The following TMTC4 variants were observed in gnomAD, a reference collection of about 807,000 sequenced individuals.
TMTC4 encodes the protein transmembrane O-mannosyltransferase targeting cadherins 4, also known as protein O-mannosyl-transferase TMTC4.
TMTC4 carries 65 observed loss-of-function variants against 86.0 expected under a neutral mutation model. The ratio of observed to expected loss-of-function variants is 0.76; its 90% confidence interval spans 0.62 to 0.93. The LOEUF is 0.93. Among genes scored for constraint, TMTC4 ranks in the 40% least tolerant of loss-of-function variants. TMTC4 has a pLI of 0.00. For missense variants in TMTC4, 866 were observed against 948.1 expected (o/e 0.91, Z 1.14); for synonymous variants, 379 against 382.5 (o/e 0.99, Z 0.11).
At chr13:100,629,187 AT>A (rs1880977450) in intron 12 of TMTC4, among the ~76,000 whole-genome samples, 1 of 152,162 alleles carries the variant, frequency 6.6e-6, no homozygotes. Flanking sequence ...AAAGAAAAGT[AT>A]TTGTTGATGA....
intron 16 of TMTC4, among the ~76,000 whole-genome samples, chr13:100,612,791 G>A (rs1451598474): frequency 6.6e-6 from 1 of 151,892 alleles, no homozygotes; most frequent in Non-Finnish European, 1.5e-5. Context: ...CTAAAACCTA[G>A]TTTTAATTTT....
At chr13:100,618,523 G>A (rs1878918031) in intron 15 of TMTC4, among the ~76,000 whole-genome samples, 1 of 148,148 alleles carries the variant, frequency 6.8e-6, no homozygotes, top group Non-Finnish European at 1.5e-5. Flanking sequence ...ATCATTCTTG[G>A]GTGTTTCTCG....
chr13:100,660,869 G>A (rs1027913368), intron 5 of TMTC4, among the ~76,000 whole-genome samples: 1 of 152,100 alleles, frequency 6.6e-6, no homozygotes, highest in Admixed American at 6.5e-5. Context: ...GGCCAGGCTG[G>A]TTTGGAACTC....
chr13:100,665,895 G>C (rs756435353), intron 3 of TMTC4: 2 of 399,558 alleles, frequency 5.0e-6, no homozygotes, highest in Non-Finnish European at 1.0e-5. Flanking sequence ...CCCAAGAGCA[G>C]GTTAGAGATT....
intron 15 of TMTC4, among the ~76,000 whole-genome samples, chr13:100,621,795 A>G (rs1879529507): frequency 6.6e-6 from 1 of 152,242 alleles, no homozygotes; most frequent in Non-Finnish European, 1.5e-5. Flanking sequence ...GATACAGTGA[A>G]CAGAAACGGT....
At chr13:100,608,915 C>T (rs905239829) in intron 17 of TMTC4, among the ~76,000 whole-genome samples, 15 of 152,132 alleles carry the variant, frequency 9.9e-5, no homozygotes, top group Non-Finnish European at 2.9e-5. Context: ...AATTATGTCT[C>T]TAGGTAGGAA....
Position 100,612,419 on chromosome 13 carries a change from C to T in TMTC4, c.2043G>A (p.Leu681=), listed in dbSNP as rs770438517. 2 of 1,609,728 alleles carry T rather than the reference C, an allele frequency of 1.2e-6. No individual in the cohort carries two copies. The highest frequency in any genetic ancestry group is 1.1e-5 in the South Asian group (1 of 89,756). The change falls in exon 17 of 19, where the codon CTG becomes CTA. Residue 681 remains leucine (L), a synonymous_variant. Coordinates refer to ENST00000342624, the MANE Select transcript of TMTC4 (RefSeq NM_032813.5). ...GCACCTTGTATTTCTGGGATTTCCCCAGCACGTTTGCCAACGAGAACATGA... is the reference window on the plus strand; with the variant it reads ...GCACCTTGTATTTCTGGGATTTCCCTAGCACGTTTGCCAACGAGAACATGA... ...HSLMFSLANV[L]GKSQKYKESE... is the part of the protein sequence containing the mutation.
chr13:100,609,048 G>A lies in TMTC4; in HGVS notation c.2065-2621C>T, dbSNP rs1427662227. On this transcript the variant is annotated intron_variant, in intron 17 of 18. Transcript: ENST00000342624. Reference sequence around the variant, plus strand: ...ACTGTGCCTCCGCTAGAATAGGAAGGGTAACATGGGAGATCTGATGAGAAG... The same window carrying A: ...ACTGTGCCTCCGCTAGAATAGGAAGAGTAACATGGGAGATCTGATGAGAAG... 5.9e-5 allele frequency among the ~76,000 whole-genome samples: 9 copies of A among 152,198 alleles called. No homozygotes were observed. In the East Asian group the frequency reaches 1.7e-3, roughly 29 times the overall value.
At chr13:100,639,091 C>CAGTCTGCACATA (rs1566604903) in intron 7 of TMTC4, among the ~76,000 whole-genome samples, 1 of 152,200 alleles carries the variant, frequency 6.6e-6, no homozygotes, top group African/African-American at 2.4e-5. Flanking sequence ...CTGGATAAAG[C>CAGTCTGCACATA]AGTCTGCACA....
chr13:100,611,287 C>T (rs749047058), intron 17 of TMTC4, among the ~76,000 whole-genome samples: 32 of 152,286 alleles, frequency 2.1e-4, no homozygotes, highest in Non-Finnish European at 3.8e-4. Flanking sequence ...AGGATGCCAG[C>T]TAAAAATGCA....
chr13:100,639,702 G>C (rs1238971790), intron 7 of TMTC4, among the ~76,000 whole-genome samples: 4 of 152,310 alleles, frequency 2.6e-5, no homozygotes, highest in Non-Finnish European at 4.4e-5. Context: ...CACTTTGGGA[G>C]GCTGAGGTGG....
At chr13:100,615,787 TGCA>T (rs1878387993) in intron 15 of TMTC4, among the ~76,000 whole-genome samples, 1 of 152,240 alleles carries the variant, frequency 6.6e-6, no homozygotes, top group Non-Finnish European at 1.5e-5. Context: ...AATGTACATG[TGCA>T]GGTTTGTTAC....
At position 100,604,882 on chromosome 13, in the gene TMTC4, A is replaced by T; in HGVS notation, c.*112T>A. The T allele has an allele frequency of 1.6e-6, 2 of 1,252,376 alleles. No homozygotes were observed. The highest frequency in any genetic ancestry group is 3.1e-5 in the African/African-American group (2 of 65,000). The allele number at this position is 1,252,376 out of a possible 1,614,324, so 77.6% of individuals were successfully genotyped here. A position where few individuals can be genotyped will look rare whatever the true frequency, so the allele number is the denominator to read the frequency against. ...CATGTCTTTGTTTTCATAGAAAAAA[A>T]TCAGTAAAATAACATGTCTAAGACT... On this transcript the variant is annotated 3_prime_UTR_variant, in exon 19 of 19. Transcript: ENST00000342624.
chr13:100,637,490 C>CT (rs1438302758), intron 9 of TMTC4, 48 bp downstream of exon 9: 1 of 1,565,370 alleles, frequency 6.4e-7, no homozygotes, highest in Admixed American at 1.8e-5. Context: ...ATCTGGGAAT[C>CT]TGGTGGGGGA....
Position 100,605,478 on chromosome 13 carries a change from G to A in TMTC4, c.2135-336C>T, listed in dbSNP as rs1280137617. ...CCAGGAAGCAAGGCTGGGTATGGGA[G>A]GTGGGGGTGATGGATGCTAGGCACT... On this transcript the variant is annotated intron_variant, in intron 18 of 18. Transcript: ENST00000342624. The surrounding 1 kb of genome is among the most constrained non-coding windows in gnomAD (Gnocchi z 4.3). Among the ~76,000 whole-genome samples, 1 of 152,186 alleles carries A rather than the reference G, an allele frequency of 6.6e-6. No individual in the cohort carries two copies. Among genetic ancestry groups the A allele is most frequent in the Admixed American group, 6.5e-5 (1 of 15,276 alleles).
intron 7 of TMTC4, among the ~76,000 whole-genome samples, chr13:100,640,785 AGGGT>A (rs1026736014): frequency 1.3e-4 from 20 of 151,274 alleles, no homozygotes; most frequent in African/African-American, 4.9e-4. Flanking sequence ...CCCTCCAGCC[AGGGT>A]GACAGAGTGA....
intron 17 of TMTC4, among the ~76,000 whole-genome samples, chr13:100,607,628 G>A (rs528745093): frequency 1.4e-4 from 21 of 152,016 alleles, no homozygotes; most frequent in African/African-American, 4.6e-4. Flanking sequence ...TTTTCCAGGT[G>A]GGCTTCCCAT....
chr13:100,666,538 C>T (rs1886417970), intron 3 of TMTC4, among the ~76,000 whole-genome samples: 2 of 152,182 alleles, frequency 1.3e-5, no homozygotes, highest in Admixed American at 1.3e-4. Context: ...TTTTCTTCTT[C>T]CTGGCTGACC....
chr13:100,604,309 T>C lies in TMTC4; in HGVS notation c.*685A>G, dbSNP rs3742244. The C allele has an allele frequency of 2.0e-5, 3 of 152,604 alleles. 1 individual carries two copies. The highest frequency in any genetic ancestry group is 3.9e-4 in the East Asian group (2 of 5,176). The allele number at this position is 152,604 out of a possible 1,614,324, so 9.5% of individuals were successfully genotyped here. A position where few individuals can be genotyped will look rare whatever the true frequency, so the allele number is the denominator to read the frequency against. On this transcript the variant is annotated 3_prime_UTR_variant, in exon 19 of 19. Coordinates refer to ENST00000342624, the MANE Select transcript of TMTC4 (RefSeq NM_032813.5). ...TTTCAATTGATAGTAACCGCTTATGTAAAATATTACATTACATAATCTCCT... is the reference window on the plus strand; with the variant it reads ...TTTCAATTGATAGTAACCGCTTATGCAAAATATTACATTACATAATCTCCT...
Sources: gnomAD v4.1 joint callset for allele counts (sites outside exome capture counted in the v4.1 genomes callset) on GRCh38, gnomAD v4.1.1 for gene constraint, Gnocchi (gnomAD v3.1) non-coding constraint, MANE v1.5 for transcripts, NCBI Gene and HGNC (gene_info 2026-07-23, HGNC 2026-07-21) for gene names.